Variants in H3-3A observed in about 807,000 individuals in gnomAD.
The protein encoded by H3-3A is histone H3.3.
For synonymous variants in H3-3A, 49 were observed against 61.4 expected (o/e 0.80, Z 0.95); for missense variants, 7 against 184.0 (o/e 0.04, Z 5.57).
chr1:226,071,686 T>C lies in H3-3A; in HGVS notation c.*207T>C, dbSNP rs548430481. ...TTCATTTGTGTGTGAATTTTTAATA[T>C]AAATGCGGAGACGTAAAGCATTAAT... On this transcript the variant is annotated 3_prime_UTR_variant, in exon 4 of 4. Transcript: ENST00000366815. 3 of 330,748 alleles carry C rather than the reference T, an allele frequency of 9.1e-6. No homozygotes were observed. The highest frequency in any genetic ancestry group is 4.5e-5 in the East Asian group (1 of 22,408). The allele number at this position is 330,748 out of a possible 1,614,324, so 20.5% of individuals were successfully genotyped here.
chr1:226,062,415 G>A (rs1440884929), upstream of H3-3A, among the ~76,000 whole-genome samples: 3 of 151,348 alleles, frequency 2.0e-5, no homozygotes, highest in Non-Finnish European at 3.0e-5. Flanking sequence ...GGGAGTGCAG[G>A]GCCGGGGGCG....
intron 1 of H3-3A, among the ~76,000 whole-genome samples, chr1:226,063,067 C>G (rs1001734844): frequency 6.6e-6 from 1 of 152,040 alleles, no homozygotes. Context: ...CCTCCCCGCG[C>G]CCCTGGCTCC....
At chr1:226,067,727 A>G (rs1657974355) in intron 3 of H3-3A, among the ~76,000 whole-genome samples, 1 of 127,344 alleles carries the variant, frequency 7.9e-6, no homozygotes, top group African/African-American at 3.0e-5. Context: ...GGGCAACAAG[A>G]GCAAAACTCT....
chr1:226,071,036 T>A (rs2102742203), intron 3 of H3-3A, among the ~76,000 whole-genome samples: 1 of 152,338 alleles, frequency 6.6e-6, no homozygotes, highest in African/African-American at 2.4e-5. Flanking sequence ...ATTGGATTTC[T>A]TGCTTTATTT....
chr1:226,064,594 A>G, intron 2 of H3-3A, 115 bp downstream of exon 2: 1 of 691,346 alleles, frequency 1.4e-6, no homozygotes. Flanking sequence ...TTTTTTTTTC[A>G]TTTGAACACT....
At chr1:226,064,885 G>C (rs537067197) in intron 2 of H3-3A, among the ~76,000 whole-genome samples, 1 of 152,114 alleles carries the variant, frequency 6.6e-6, no homozygotes, top group Non-Finnish European at 1.5e-5. Context: ...GTTTTATAAA[G>C]TTCCTACCCC....
At chr1:226,063,309 AT>A (rs1014827150) in intron 1 of H3-3A, among the ~76,000 whole-genome samples, 11 of 151,768 alleles carry the variant, frequency 7.2e-5, no homozygotes, top group Admixed American at 6.6e-5. Context: ...CACCGACCAT[AT>A]TTTTTCCCCC....
At chr1:226,063,661 G>A (rs997149935) in intron 1 of H3-3A, among the ~76,000 whole-genome samples, 4 of 152,208 alleles carry the variant, frequency 2.6e-5, no homozygotes. Flanking sequence ...GGTGCTTGGG[G>A]TGGACCGGTC....
intron 3 of H3-3A, among the ~76,000 whole-genome samples, chr1:226,067,421 G>A (rs1374682038): frequency 1.3e-5 from 2 of 152,004 alleles, no homozygotes; most frequent in South Asian, 2.1e-4. Flanking sequence ...GCTTTTTTAT[G>A]CATATATTTT....
intron 3 of H3-3A, among the ~76,000 whole-genome samples, chr1:226,069,615 T>G (rs1316258275): frequency 6.6e-6 from 1 of 151,940 alleles, no homozygotes; most frequent in Non-Finnish European, 1.5e-5. Flanking sequence ...GCAGATCACC[T>G]GAAGTTAGGA....
At chr1:226,070,665 C>T (rs1445833468) in intron 3 of H3-3A, among the ~76,000 whole-genome samples, 2 of 151,612 alleles carry the variant, frequency 1.3e-5, no homozygotes, top group South Asian at 2.1e-4. Flanking sequence ...CCCAGCTACT[C>T]GGGAGGCTGA....
chr1:226,064,868 A>G (rs1282762019), intron 2 of H3-3A, among the ~76,000 whole-genome samples: 2 of 152,080 alleles, frequency 1.3e-5, no homozygotes, highest in Non-Finnish European at 2.9e-5. Flanking sequence ...TATAATCGAG[A>G]TTGGGTGTTT....
chr1:226,070,741 C>G (rs1452068341), intron 3 of H3-3A, among the ~76,000 whole-genome samples: 2 of 151,460 alleles, frequency 1.3e-5, no homozygotes, highest in Admixed American at 6.6e-5. Context: ...CTACTGCACT[C>G]CAGCCTGGGC....
intron 3 of H3-3A, chr1:226,067,223 G>A (rs1330937473): frequency 6.6e-6 from 1 of 152,036 alleles, no homozygotes. Context: ...AACAATCTGG[G>A]TAAAAGACTC....
intron 2 of H3-3A, 68 bp from the exon 3 acceptor site, chr1:226,065,588 A>T: frequency 8.5e-7 from 1 of 1,174,078 alleles, no homozygotes; most frequent in Non-Finnish European, 1.2e-6. Flanking sequence ...CATTTCTTTG[A>T]AGCTGCCCAC....
intron 1 of H3-3A, among the ~76,000 whole-genome samples, chr1:226,063,700 G>C (rs566141589): frequency 1.3e-5 from 2 of 152,146 alleles, no homozygotes; most frequent in Non-Finnish European, 2.9e-5. Flanking sequence ...ATTAAAGCCT[G>C]GGTGCGGGGC....
intron 1 of H3-3A, 49 bp from the exon 2 acceptor site, chr1:226,064,280 T>C (rs894908625): frequency 1.5e-5 from 20 of 1,358,296 alleles, no homozygotes; most frequent in Non-Finnish European, 2.0e-5. Context: ...GGAAAAGTTG[T>C]ATGTTTGGTA....
intron 3 of H3-3A, among the ~76,000 whole-genome samples, chr1:226,067,743 CAAA>C (rs4012724): frequency 0.023 from 3,386 of 146,194 alleles, 100 homozygotes; most frequent in African/African-American, 0.064. Flanking sequence ...ACTCTTGTCT[CAAA>C]AAAAAAAAAA....
chr1:226,070,838 T>C (rs1658095146), intron 3 of H3-3A, among the ~76,000 whole-genome samples: 1 of 152,118 alleles, frequency 6.6e-6, no homozygotes, highest in Admixed American at 6.5e-5. Flanking sequence ...ACTCTTATGA[T>C]AAAACAGGTA....
Sources: allele counts gnomAD v4.1 joint callset (sites outside exome capture counted in the v4.1 genomes callset), GRCh38; gene constraint gnomAD v4.1.1; transcripts MANE v1.5; gene names NCBI Gene and HGNC (gene_info 2026-07-23, HGNC 2026-07-21).